NRXN1: variants seen among roughly 807,000 people sequenced by gnomAD.
NRXN1 encodes neurexin 1.
A neutral mutation model predicts 150.9 loss-of-function variants in NRXN1; 39 were observed. The ratio of observed to expected loss-of-function variants is 0.26; its 90% confidence interval spans 0.20 to 0.34. The LOEUF (loss-of-function observed/expected upper bound fraction) is 0.34. Ranked by LOEUF, NRXN1 falls within the 10% of genes least tolerant of loss-of-function variation. The pLI is 1.00. For synonymous variants in NRXN1, 924 were observed against 757.0 expected (o/e 1.22, Z -3.62); for missense variants, 1,815 against 1,949.9 (o/e 0.93, Z 1.30).
At chr2:50,252,184 T>A (rs1049319093) in intron 17 of NRXN1, among the ~76,000 whole-genome samples, 2 of 23,642 alleles carry the variant, frequency 8.5e-5, no homozygotes, top group African/African-American at 2.4e-4. Flanking sequence ...ATTTAAGTCT[T>A]TTTTTTTTTT....
At chr2:50,034,041 G>A (rs1035851481) in intron 21 of NRXN1, among the ~76,000 whole-genome samples, 2 of 151,636 alleles carry the variant, frequency 1.3e-5, no homozygotes, top group African/African-American at 4.8e-5. Flanking sequence ...TACACTGTTG[G>A]GGGGAGTGTA....
intron 19 of NRXN1, among the ~76,000 whole-genome samples, chr2:50,085,795 TAGC>T (rs1212354531): frequency 1.3e-5 from 2 of 152,142 alleles, no homozygotes; most frequent in Admixed American, 6.6e-5. Context: ...TCAGCAGAAA[TAGC>T]AGACTGTGAC....
intron 12 of NRXN1, 65 bp from the exon 13 acceptor site, chr2:50,506,682 A>G (rs187616842): frequency 1.3e-6 from 2 of 1,560,598 alleles, no homozygotes; most frequent in Admixed American, 1.7e-5. Context: ...AACCTCACAG[A>G]GAGTGAGAGA....
At chr2:51,026,812 C>T (rs140879000) in intron 2 of NRXN1, among the ~76,000 whole-genome samples, 2,225 of 152,292 alleles carry the variant, frequency 0.015, 26 homozygotes, top group Non-Finnish European at 0.022. Flanking sequence ...ACTTAAATTT[C>T]ACAAATGTTG....
intron 5 of NRXN1, among the ~76,000 whole-genome samples, chr2:50,731,654 C>T (rs1468334984): frequency 6.6e-6 from 1 of 152,134 alleles, no homozygotes; most frequent in Non-Finnish European, 1.5e-5. Flanking sequence ...TAGAACTCAT[C>T]TCTGATCTAT....
intron 5 of NRXN1, among the ~76,000 whole-genome samples, chr2:50,737,534 T>C (rs1274229704): frequency 6.6e-6 from 1 of 152,224 alleles, no homozygotes; most frequent in Non-Finnish European, 1.5e-5. Context: ...ACCCAGGTTG[T>C]AGTCATTTCA....
intron 17 of NRXN1, among the ~76,000 whole-genome samples, chr2:50,285,305 C>T (rs1177600375): frequency 6.6e-6 from 1 of 152,150 alleles, no homozygotes; most frequent in South Asian, 2.1e-4. Context: ...TTCCAATCCA[C>T]TCATTCTAGT....
intron 18 of NRXN1, among the ~76,000 whole-genome samples, chr2:50,142,375 A>C (rs1385513494): frequency 1.3e-5 from 2 of 151,866 alleles, no homozygotes; most frequent in African/African-American, 2.4e-5. Context: ...AGATGGAAGA[A>C]ATATGTTCTA....
chr2:50,651,161 G>C (rs1195834953), intron 5 of NRXN1, among the ~76,000 whole-genome samples: 4 of 151,880 alleles, frequency 2.6e-5, no homozygotes, highest in African/African-American at 9.7e-5. Flanking sequence ...AAATTCTTAG[G>C]CTTATTTTAT....
intron 13 of NRXN1, 87 bp downstream of exon 13, chr2:50,506,408 T>C (rs893781662): frequency 1.6e-6 from 2 of 1,247,724 alleles, no homozygotes; most frequent in African/African-American, 3.0e-5. Flanking sequence ...TCAAGTTGTG[T>C]ACCAGCCTTG....
intron 21 of NRXN1, among the ~76,000 whole-genome samples, chr2:49,974,709 G>A (rs1370192678): frequency 6.6e-6 from 1 of 150,588 alleles, no homozygotes; most frequent in African/African-American, 2.4e-5. Flanking sequence ...TTTATGGGAT[G>A]AGTTTGTAAA....
chr2:50,523,623 A>G (rs1350275663), intron 12 of NRXN1, among the ~76,000 whole-genome samples: 1 of 152,200 alleles, frequency 6.6e-6, no homozygotes, highest in African/African-American at 2.4e-5. Context: ...AATTGGTGAT[A>G]ACTAATATCC....
At chr2:50,670,745 C>A (rs1466261504) in intron 5 of NRXN1, among the ~76,000 whole-genome samples, 2 of 151,840 alleles carry the variant, frequency 1.3e-5, no homozygotes, top group Non-Finnish European at 2.9e-5. Flanking sequence ...GAGTATAGAT[C>A]AGTTATTTTG....
chr2:50,279,189 C>G (rs1322611891), intron 17 of NRXN1, among the ~76,000 whole-genome samples: 1 of 152,116 alleles, frequency 6.6e-6, no homozygotes, highest in African/African-American at 2.4e-5. Flanking sequence ...CCAAATGACC[C>G]ACCAGTTGCT....
intron 21 of NRXN1, among the ~76,000 whole-genome samples, chr2:50,039,658 C>G (rs1690618448): frequency 6.6e-6 from 1 of 152,020 alleles, no homozygotes; most frequent in Non-Finnish European, 1.5e-5. Flanking sequence ...ACAGAAGATA[C>G]ACATCGAGAT....
intron 19 of NRXN1, 141 bp downstream of exon 19, chr2:50,091,182 C>T (rs1699504317): frequency 1.1e-6 from 1 of 934,218 alleles, no homozygotes; most frequent in Non-Finnish European, 1.7e-6. Context: ...GACAGCATTA[C>T]ATTCACATGA....
intron 17 of NRXN1, among the ~76,000 whole-genome samples, chr2:50,413,780 T>C (rs374809865): frequency 6.6e-6 from 1 of 152,192 alleles, no homozygotes; most frequent in East Asian, 1.9e-4. Context: ...GGGAGCCACC[T>C]AAGTTTTCAT....
chr2:50,173,984 T>A (rs1489971947), intron 18 of NRXN1, among the ~76,000 whole-genome samples: 1 of 152,100 alleles, frequency 6.6e-6, no homozygotes. Context: ...CTTCAGATGA[T>A]GGATCCTACC....
intron 4 of NRXN1, 42 bp downstream of exon 4, chr2:50,922,616 G>T: frequency 6.2e-7 from 1 of 1,603,524 alleles, no homozygotes; most frequent in Non-Finnish European, 8.5e-7. Flanking sequence ...TACAGAACAA[G>T]AAAACACTGA....
Sources: allele counts gnomAD v4.1 joint callset (sites outside exome capture counted in the v4.1 genomes callset), GRCh38; gene constraint gnomAD v4.1.1; transcripts MANE v1.5; gene names NCBI Gene and HGNC (gene_info 2026-07-23, HGNC 2026-07-21).